The following RFX4 variants were observed in gnomAD, a reference collection of about 807,000 sequenced individuals.
The protein encoded by RFX4 is transcription factor RFX4.
In RFX4, 10 loss-of-function variants were observed where a neutral mutation model predicts 95.0. The ratio of observed to expected loss-of-function variants is 0.11; its 90% CI spans 0.06 to 0.18. The LOEUF is 0.18. Among genes scored for constraint, RFX4 ranks in the 10% least tolerant of loss-of-function variants. The pLI, the probability that RFX4 is intolerant of heterozygous loss-of-function variation, is 1.00. For synonymous variants in RFX4, 321 were observed against 340.7 expected, an observed-to-expected ratio of 0.94 and a Z score of 0.64; for missense variants, 640 against 922.0, an observed-to-expected ratio of 0.69 and a Z score of 3.96.
intron 2 of RFX4, among the ~76,000 whole-genome samples, chr12:106,619,965 C>T (rs865986982): frequency 1.6e-4 from 24 of 152,128 alleles, no homozygotes; most frequent in African/African-American, 5.3e-4. Flanking sequence ...TTGATATTCT[C>T]CATTTTTTCT....
chr12:106,604,914 GA>G (rs1197906357), intron 1 of RFX4, among the ~76,000 whole-genome samples: 2 of 152,346 alleles, frequency 1.3e-5, no homozygotes, highest in East Asian at 3.9e-4. Context: ...AGAAAAAGGA[GA>G]AAGCTCAGTT....
intron 1 of RFX4, chr12:106,601,310 GGC>G: frequency 6.3e-7 from 1 of 1,596,000 alleles, no homozygotes; most frequent in Non-Finnish European, 8.5e-7. Context: ...TGGTGCGGGA[GGC>G]GACAGGACCA....
chr12:106,746,224 T>C (rs957413666), intron 15 of RFX4, among the ~76,000 whole-genome samples: 3 of 152,022 alleles, frequency 2.0e-5, no homozygotes, highest in African/African-American at 7.2e-5. Flanking sequence ...GGCATGGTGG[T>C]GTGCACCTGT....
intron 2 of RFX4, 54 bp downstream of exon 2, chr12:106,608,937 G>T (rs2039898122): frequency 1.3e-6 from 2 of 1,523,772 alleles, no homozygotes; most frequent in Non-Finnish European, 1.8e-6. Context: ...CCAATGTCCT[G>T]ATGGGAGGGT....
chr12:106,744,738 C>T lies in RFX4; in HGVS notation c.1634-2699C>T, dbSNP rs1488423119. On this transcript the variant is annotated intron_variant, in intron 15 of 17. Transcript: ENST00000392842. ...ACGGTAGAGAGTAGAAAGTGTGTGG[C>T]ACAAAGTGTGTGGGTTCACAGCCCG... 2.0e-5 allele frequency among the ~76,000 whole-genome samples: 3 copies of T among 152,138 alleles called. No individual in the cohort carries two copies. The East Asian group carries it at 5.8e-4, about 29-fold the overall frequency.
intron 1 of RFX4, among the ~76,000 whole-genome samples, chr12:106,607,762 GATGA>G (rs74263340): frequency 0.25 from 37,263 of 151,586 alleles, 4,666 homozygotes; most frequent in South Asian, 0.29. Context: ...GTTGTTGAAT[GATGA>G]ATGAATGAAT....
intron 16 of RFX4, among the ~76,000 whole-genome samples, chr12:106,748,376 G>A (rs1275577691): frequency 1.3e-5 from 2 of 152,164 alleles, no homozygotes; most frequent in East Asian, 1.9e-4. Flanking sequence ...CCTGAGGGCT[G>A]GAGGTCCCTT....
intron 2 of RFX4, among the ~76,000 whole-genome samples, chr12:106,620,961 GCT>G (rs1343800913): frequency 6.6e-6 from 1 of 152,058 alleles, no homozygotes; most frequent in Admixed American, 6.5e-5. Flanking sequence ...GAAAAATATG[GCT>G]CTTTTTGTCT....
chr12:106,590,247 C>T (rs548656859), intron 1 of RFX4, among the ~76,000 whole-genome samples: 210 of 152,318 alleles, frequency 1.4e-3, no homozygotes, highest in African/African-American at 4.9e-3. Context: ...ATACAACCAG[C>T]TGATACAGCT....
At chr12:106,691,398 C>A (rs1182622191) in intron 7 of RFX4, among the ~76,000 whole-genome samples, 1 of 152,182 alleles carries the variant, frequency 6.6e-6, no homozygotes, top group East Asian at 1.9e-4. Flanking sequence ...CACCTCACAC[C>A]CTTAGGCCAA....
chr12:106,753,785 C>T (rs368897829), intron 17 of RFX4, among the ~76,000 whole-genome samples: 3 of 152,334 alleles, frequency 2.0e-5, no homozygotes, highest in Non-Finnish European at 4.4e-5. Context: ...CAGATGAGTA[C>T]ATGGGAGGTG....
rs57799769 is a variant in RFX4, at chr12:106,641,967, CTATCTATATCTATATCTA to C, written c.191+2613_191+2630del. 5.6e-4 allele frequency among the ~76,000 whole-genome samples: 76 copies of C among 135,038 alleles called. 3 individuals are homozygous for C. In the East Asian group the frequency reaches 0.011, roughly 20 times the overall value. The allele number at this position is 135,038 out of a possible 152,430, so 88.6% of individuals were successfully genotyped here. A position where few individuals can be genotyped will look rare whatever the true frequency, so the allele number is the denominator to read the frequency against. On this transcript the variant is annotated intron_variant, in intron 3 of 17. Transcript: ENST00000392842. Reference sequence around the variant, plus strand: ...TGTCTATATCTATCTATATCTATATCTATCTATATCTATATCTATATCTATATCTATATCTATATCTAT... The same window carrying C: ...TGTCTATATCTATCTATATCTATATCTATCTATATCTATATCTATATCTAT...
At chr12:106,704,874 A>C (rs896777091) in intron 8 of RFX4, among the ~76,000 whole-genome samples, 7 of 152,070 alleles carry the variant, frequency 4.6e-5, no homozygotes, top group Non-Finnish European at 8.8e-5. Context: ...AGGGAGGAGA[A>C]GTCAAAGAGG....
At chr12:106,660,789 TGGTG>T (rs1213224662) in intron 4 of RFX4, among the ~76,000 whole-genome samples, 2 of 152,056 alleles carry the variant, frequency 1.3e-5, no homozygotes, top group African/African-American at 4.8e-5. Context: ...GTCAGATCAG[TGGTG>T]GCATTAGATT....
At chr12:106,688,449 C>G (rs2041712083) in intron 6 of RFX4, among the ~76,000 whole-genome samples, 1 of 152,134 alleles carries the variant, frequency 6.6e-6, no homozygotes, top group African/African-American at 2.4e-5. Context: ...GTCTCCATGT[C>G]ACACTAGGAT....
intron 4 of RFX4, among the ~76,000 whole-genome samples, chr12:106,677,352 C>T (rs10861645): frequency 0.35 from 53,462 of 151,734 alleles, 9,496 homozygotes; most frequent in South Asian, 0.38. Context: ...GGGAACAGCA[C>T]TGTGGATGTG....
At chr12:106,653,924 T>A (rs1164989871) in intron 3 of RFX4, among the ~76,000 whole-genome samples, 3 of 152,194 alleles carry the variant, frequency 2.0e-5, no homozygotes, top group Non-Finnish European at 2.9e-5. Flanking sequence ...GGAGTTTGCA[T>A]GTATCTGATC....
At chr12:106,599,689 T>C (rs1592835236) in intron 1 of RFX4, among the ~76,000 whole-genome samples, 1 of 152,170 alleles carries the variant, frequency 6.6e-6, no homozygotes, top group African/African-American at 2.4e-5. Context: ...TTCTTATCTT[T>C]TCTCCACTAC....
At chr12:106,656,617 G>C (rs2040962834) in intron 4 of RFX4, among the ~76,000 whole-genome samples, 1 of 152,098 alleles carries the variant, frequency 6.6e-6, no homozygotes, top group Non-Finnish European at 1.5e-5. Flanking sequence ...CCCTGCCCCT[G>C]ATGGTTCCCA....
Sources: gnomAD v4.1 joint callset for allele counts (sites outside exome capture counted in the v4.1 genomes callset) on GRCh38, gnomAD v4.1.1 for gene constraint, MANE v1.5 for transcripts, NCBI Gene and HGNC (gene_info 2026-07-23, HGNC 2026-07-21) for gene names.